The following RANBP2 variants were observed in gnomAD, a reference collection of about 807,000 sequenced individuals.
RANBP2 encodes the protein RAN binding protein 2.
In RANBP2, 57 loss-of-function variants were observed where a neutral mutation model predicts 303.6. That is an observed-to-expected ratio of 0.19 (90% CI 0.15 to 0.23). The LOEUF (loss-of-function observed/expected upper bound fraction) is 0.23, where lower values mean the gene tolerates loss of function less well. Among genes scored for constraint, RANBP2 ranks in the 10% least tolerant of loss-of-function variants. The probability of loss-of-function intolerance (pLI) is 1.00; values close to 1 mark genes in which losing one functional copy is unlikely to be tolerated. For missense variants in RANBP2, 3,138 were observed against 3,780.8 expected (o/e 0.83, Z 4.46); for synonymous variants, 1,167 against 1,301.5 (o/e 0.90, Z 2.23).
the RANBP2 span, among the ~76,000 whole-genome samples, chr2:109,488,907 G>C: frequency 6.6e-6 from 1 of 152,232 alleles, no homozygotes; most frequent in Admixed American, 6.5e-5. Flanking sequence ...CAGTAGCGGA[G>C]TCAGGTATCT....
chr2:109,631,461 T>C, the RANBP2 span, among the ~76,000 whole-genome samples: 1 of 152,208 alleles, frequency 6.6e-6, no homozygotes, highest in African/African-American at 2.4e-5. Flanking sequence ...TCTATAATAA[T>C]TTATCAAATT....
the RANBP2 span, chr2:109,129,582 C>G: frequency 1.6e-3 from 2,400 of 1,483,766 alleles, 43 homozygotes; most frequent in African/African-American, 0.032. Flanking sequence ...CCAAGGCGGC[C>G]GCCGCTGCTG....
intron 6 of RANBP2, among the ~76,000 whole-genome samples, chr2:108,739,561 T>C (rs900677990): frequency 6.6e-5 from 10 of 152,248 alleles, no homozygotes; most frequent in African/African-American, 2.4e-4. Context: ...TCACTTGCTC[T>C]GGTTGCTTTA....
At chr2:109,631,330 G>T in the RANBP2 span, among the ~76,000 whole-genome samples, 1 of 152,120 alleles carries the variant, frequency 6.6e-6, no homozygotes, top group African/African-American at 2.4e-5. Context: ...CCTATGAATT[G>T]GAAAAATTAT....
the RANBP2 span, among the ~76,000 whole-genome samples, chr2:109,020,739 G>A: frequency 2.0e-5 from 3 of 152,314 alleles, no homozygotes; most frequent in South Asian, 2.1e-4. Flanking sequence ...TTATAATAGC[G>A]ACATCAGGGC....
rs574639555 is a variant in RANBP2, at chr2:108,736,290, G to GT, written c.782+46dup. The GT allele has an allele frequency of 7.4e-4, 1,199 of 1,611,846 alleles. 3 individuals are homozygous for GT. In the Middle Eastern group the frequency reaches 7.7e-3, roughly 10 times the overall value. On this transcript the variant is annotated intron_variant, in intron 6 of 28. Transcript: ENST00000283195. Reference sequence around the variant, plus strand: ...GAAGAATGCTTTAGTATAAATTGCAGTTTTTCTTTTTGCAGTAAGTTCATT... The same window carrying GT: ...GAAGAATGCTTTAGTATAAATTGCAGTTTTTTCTTTTTGCAGTAAGTTCATT...
the RANBP2 span, among the ~76,000 whole-genome samples, chr2:109,122,724 AGCCAGACATGGTGGCATGT>A: frequency 6.6e-6 from 1 of 152,268 alleles, no homozygotes; most frequent in South Asian, 2.1e-4. Context: ...AAAAAAAATT[AGCCAGACATGGTGGCATGT>A]GCCTGTGGTC....
chr2:109,360,837 A>G, the RANBP2 span, among the ~76,000 whole-genome samples: 13 of 152,288 alleles, frequency 8.5e-5, no homozygotes, highest in African/African-American at 1.7e-4. Flanking sequence ...TGTATTATCA[A>G]ATATTTTTAG....
At chr2:108,948,831 G>T in the RANBP2 span, among the ~76,000 whole-genome samples, 3 of 152,270 alleles carry the variant, frequency 2.0e-5, no homozygotes, top group African/African-American at 7.2e-5. Flanking sequence ...CTAAAAAGTA[G>T]AGTTGGCCAG....
the RANBP2 span, among the ~76,000 whole-genome samples, chr2:109,156,521 C>T: frequency 6.6e-6 from 1 of 152,020 alleles, no homozygotes; most frequent in Non-Finnish European, 1.5e-5. Flanking sequence ...TCTTGGCTCA[C>T]TGCAGCCTTT....
chr2:108,761,626 C>T (rs1287211966), intron 18 of RANBP2, among the ~76,000 whole-genome samples: 2 of 152,022 alleles, frequency 1.3e-5, no homozygotes. Context: ...ATGAATTTGT[C>T]AGGTGATTTT....
At chr2:109,554,654 C>T in the RANBP2 span, among the ~76,000 whole-genome samples, 2 of 152,140 alleles carry the variant, frequency 1.3e-5, no homozygotes, top group African/African-American at 2.4e-5. Context: ...TGGCCATCGC[C>T]GGGAATCAAT....
the RANBP2 span, among the ~76,000 whole-genome samples, chr2:109,116,063 A>AT: frequency 9.9e-5 from 15 of 152,082 alleles, no homozygotes; most frequent in Admixed American, 5.2e-4. Context: ...TGCCCTTAAC[A>AT]TTTTTTCCTT....
At chr2:108,952,189 T>A in the RANBP2 span, among the ~76,000 whole-genome samples, 4 of 152,212 alleles carry the variant, frequency 2.6e-5, no homozygotes, top group South Asian at 4.1e-4. Context: ...ATTTCAGGTA[T>A]GAGCACCATG....
the RANBP2 span, among the ~76,000 whole-genome samples, chr2:109,743,710 T>G: frequency 5.3e-5 from 5 of 94,766 alleles, 1 homozygote; most frequent in African/African-American, 1.5e-4. Context: ...GTTTGGGGTA[T>G]GAACGATCCT....
chr2:109,358,145 A>C, the RANBP2 span, among the ~76,000 whole-genome samples: 1 of 152,162 alleles, frequency 6.6e-6, no homozygotes, highest in African/African-American at 2.4e-5. Flanking sequence ...AAATCATACA[A>C]TATGTAGCCT....
At chr2:108,757,544 A>G (rs1347158240) in intron 17 of RANBP2, among the ~76,000 whole-genome samples, 7 of 152,190 alleles carry the variant, frequency 4.6e-5, no homozygotes, top group African/African-American at 1.7e-4. Flanking sequence ...TGCAGCTACT[A>G]CTTTTTTCCC....
the RANBP2 span, chr2:108,910,316 A>C: frequency 1.5e-6 from 1 of 680,090 alleles, no homozygotes; most frequent in Non-Finnish European, 2.6e-6. Context: ...GTCAGCAAAG[A>C]GGTGGTGGGG....
chr2:109,080,425 A>T, the RANBP2 span, among the ~76,000 whole-genome samples: 3 of 152,278 alleles, frequency 2.0e-5, no homozygotes, highest in East Asian at 5.8e-4. Context: ...GAGGGATGGA[A>T]TAAGTTGATG....
Sources: gnomAD v4.1 joint callset for allele counts (sites outside exome capture counted in the v4.1 genomes callset) on GRCh38, gnomAD v4.1.1 for gene constraint, MANE v1.5 for transcripts, NCBI Gene and HGNC (gene_info 2026-07-23, HGNC 2026-07-21) for gene names.